The following SFMBT1 variants were observed in gnomAD, a reference collection of about 807,000 sequenced individuals.
The protein encoded by SFMBT1 is scm-like with four MBT domains protein 1.
SFMBT1 carries 32 observed loss-of-function variants against 108.7 expected under a neutral mutation model. The observed-to-expected ratio is 0.29, with a 90% CI of 0.22 to 0.40. SFMBT1 has a LOEUF of 0.40. SFMBT1 is among the 10% of genes least tolerant of loss of function. The pLI, the probability that SFMBT1 is intolerant of heterozygous loss-of-function variation, is 1.00. For synonymous variants in SFMBT1, 348 were observed against 369.5 expected, an observed-to-expected ratio of 0.94 and a Z score of 0.67; for missense variants, 816 against 1,059.6, an observed-to-expected ratio of 0.77 and a Z score of 3.19.
At chr3:53,009,585 G>C (rs1056604843) in intron 1 of SFMBT1, among the ~76,000 whole-genome samples, 1 of 152,160 alleles carries the variant, frequency 6.6e-6, no homozygotes, top group African/African-American at 2.4e-5. Flanking sequence ...TTAAACACAT[G>C]AATCACTTAT....
Position 52,941,718 on chromosome 3 carries a change from G to A in SFMBT1, c.364+1635C>T, listed in dbSNP as rs548824186. On this transcript the variant is annotated intron_variant, in intron 4 of 20. Transcript: ENST00000394752. ...TTGAGACTGGCCTGGGCAACACAGC[G>A]AAACTCTGTCTCTACAAAAAAGTTT... is the stretch of plus-strand genomic sequence containing the variant. 1.7e-4 allele frequency among the ~76,000 whole-genome samples: 25 copies of A among 150,940 alleles called. No homozygotes were observed. In the East Asian group the frequency reaches 2.6e-3, roughly 15 times the overall value.
At chr3:52,968,242 T>C (rs1015061950) in intron 2 of SFMBT1, among the ~76,000 whole-genome samples, 1 of 152,182 alleles carries the variant, frequency 6.6e-6, no homozygotes, top group Admixed American at 6.5e-5. Context: ...ATTACAGAGA[T>C]GGAGAACAAA....
intron 1 of SFMBT1, among the ~76,000 whole-genome samples, chr3:52,997,693 A>G (rs1212449384): frequency 6.6e-6 from 1 of 150,612 alleles, no homozygotes; most frequent in Non-Finnish European, 1.5e-5. Context: ...TTTCTAGAAA[A>G]GGCAAAATTG....
rs542212343 is a variant in SFMBT1, at chr3:52,917,226, C to T, written c.1416-1012G>A. ...AAGGTTTAGGTAGTTATAGAATTTG[C>T]TATATACAGAATTGTTTCCTCCTAC... On this transcript the variant is annotated intron_variant, in intron 13 of 20. Coordinates refer to ENST00000394752, the MANE Select transcript of SFMBT1 (RefSeq NM_016329.4). Among the ~76,000 whole-genome samples, 3 of 152,278 alleles carry T rather than the reference C, an allele frequency of 2.0e-5. No individual in the cohort carries two copies. The East Asian group carries it at 5.8e-4, about 29-fold the overall frequency.
intron 1 of SFMBT1, among the ~76,000 whole-genome samples, chr3:53,000,933 T>C (rs1386445690): frequency 6.7e-6 from 1 of 150,088 alleles, no homozygotes; most frequent in South Asian, 2.1e-4. Flanking sequence ...AAAAAATATA[T>C]GAAAAGAAGA....
intron 1 of SFMBT1, among the ~76,000 whole-genome samples, chr3:52,996,220 T>C (rs1698326684): frequency 7.3e-6 from 1 of 136,700 alleles, no homozygotes; most frequent in African/African-American, 2.7e-5. Flanking sequence ...TTTTTTTTTT[T>C]TTTTTTTTTG....
chr3:53,027,311 T>C (rs182905256), intron 1 of SFMBT1, among the ~76,000 whole-genome samples: 6 of 152,220 alleles, frequency 3.9e-5, no homozygotes, highest in Admixed American at 3.9e-4. Flanking sequence ...TTAAAACACC[T>C]TCCATAGTAG....
chr3:53,028,750 A>C (rs564025699), intron 1 of SFMBT1, among the ~76,000 whole-genome samples: 5 of 152,312 alleles, frequency 3.3e-5, no homozygotes, highest in Admixed American at 1.3e-4. Context: ...CAGAGCAAAC[A>C]CAACTCAGAA....
At chr3:52,977,867 T>C (rs1345063962) in intron 1 of SFMBT1, among the ~76,000 whole-genome samples, 2 of 152,196 alleles carry the variant, frequency 1.3e-5, no homozygotes, top group African/African-American at 4.8e-5. Context: ...TGGGTAAACT[T>C]TTTAAGATAA....
chr3:53,023,855 G>A (rs760823253), intron 1 of SFMBT1, among the ~76,000 whole-genome samples: 1 of 152,088 alleles, frequency 6.6e-6, no homozygotes, highest in Non-Finnish European at 1.5e-5. Context: ...CTAGACACTC[G>A]CTAATAGCCC....
At position 53,034,063 on chromosome 3, in the gene SFMBT1, T is replaced by C. The variant is rs1328671773; in HGVS notation, c.-131+11753A>G. ...CCAGCCTGGGCAACAAGAGCAAAAC[T>C]CTGTCTCCAAAAAAAAAAAAAAAAA... On this transcript the variant is annotated intron_variant, in intron 1 of 20. Transcript: ENST00000394752. Among the ~76,000 whole-genome samples, 8 of 94,220 alleles carry C rather than the reference T, an allele frequency of 8.5e-5. No individual in the cohort carries two copies. In the East Asian group the frequency reaches 2.9e-3, roughly 34 times the overall value. The allele number at this position is 94,220 out of a possible 152,430, so 61.8% of individuals were successfully genotyped here. A position where few individuals can be genotyped will look rare whatever the true frequency, so the allele number is the denominator to read the frequency against.
intron 5 of SFMBT1, among the ~76,000 whole-genome samples, chr3:52,933,786 T>C (rs1479364639): frequency 1.3e-5 from 2 of 152,118 alleles, no homozygotes; most frequent in African/African-American, 4.8e-5. Context: ...ATAAAACTCT[T>C]AGAAAATACA....
intron 2 of SFMBT1, among the ~76,000 whole-genome samples, chr3:52,968,110 A>G (rs1704210543): frequency 1.3e-5 from 2 of 152,222 alleles, no homozygotes. Flanking sequence ...CTCCACAATA[A>G]AAAGGAACAA....
intron 1 of SFMBT1, among the ~76,000 whole-genome samples, chr3:53,034,615 A>C (rs558292521): frequency 6.6e-6 from 1 of 152,010 alleles, no homozygotes; most frequent in African/African-American, 2.4e-5. Context: ...AAATTTAAAA[A>C]ATAAATAAAA....
At chr3:53,026,964 G>T (rs770119479) in intron 1 of SFMBT1, among the ~76,000 whole-genome samples, 3 of 152,034 alleles carry the variant, frequency 2.0e-5, no homozygotes, top group African/African-American at 7.2e-5. Flanking sequence ...TCAATTTTTT[G>T]TAGAGATGGG....
intron 1 of SFMBT1, among the ~76,000 whole-genome samples, chr3:53,044,456 A>G (rs775186086): frequency 9.2e-6 from 1 of 108,564 alleles, no homozygotes; most frequent in Non-Finnish European, 2.2e-5. Context: ...AACTTTTCTG[A>G]CATCGCAAAC....
At chr3:52,911,753 T>A (rs1305585274) in intron 16 of SFMBT1, among the ~76,000 whole-genome samples, 1 of 152,148 alleles carries the variant, frequency 6.6e-6, no homozygotes, top group Non-Finnish European at 1.5e-5. Flanking sequence ...CTGGATGAAG[T>A]GCAGTGGCAT....
chr3:52,997,042 C>T (rs1454109379), intron 1 of SFMBT1, among the ~76,000 whole-genome samples: 2 of 149,312 alleles, frequency 1.3e-5, no homozygotes, highest in East Asian at 3.9e-4. Context: ...GCACTCCAGC[C>T]TGGGCGACTG....
intron 3 of SFMBT1, among the ~76,000 whole-genome samples, chr3:52,948,832 T>TTTATTTTTA (rs1553637197): frequency 3.1e-5 from 4 of 131,144 alleles, no homozygotes; most frequent in African/African-American, 1.1e-4. Context: ...TTAATTTTTT[T>TTTATTTTTA]TTTTTTTTTT....
Sources: gnomAD v4.1 joint callset for allele counts (sites outside exome capture counted in the v4.1 genomes callset) on GRCh38, gnomAD v4.1.1 for gene constraint, MANE v1.5 for transcripts, NCBI Gene and HGNC (gene_info 2026-07-23, HGNC 2026-07-21) for gene names.